Variants in ERCC8 observed in about 807,000 individuals in gnomAD.
ERCC8 encodes DNA excision repair protein ERCC-8.
ERCC8 carries 52 observed loss-of-function variants against 54.9 expected under a neutral mutation model. The ratio of observed to expected loss-of-function variants is 0.95; its 90% confidence interval spans 0.76 to 1.19. ERCC8 has a LOEUF of 1.19. ERCC8 is among the 50% of genes most tolerant of loss of function. The probability of loss-of-function intolerance (pLI) is 0.00; values close to 1 mark genes in which losing one functional copy is unlikely to be tolerated. For synonymous variants in ERCC8, 146 were observed against 157.2 expected, an observed-to-expected ratio of 0.93 and a Z score of 0.53; for missense variants, 514 against 466.1, an observed-to-expected ratio of 1.10 and a Z score of -0.95.
chr5:60,884,523 G>GTTTTTTT (rs71606648), intron 11 of ERCC8, among the ~76,000 whole-genome samples: 3 of 128,122 alleles, frequency 2.3e-5, no homozygotes, highest in Non-Finnish European at 4.8e-5. Flanking sequence ...GTGTGTATGT[G>GTTTTTTT]TTTTTTTTTT....
intron 9 of ERCC8, chr5:60,893,385 C>T: frequency 1.2e-6 from 1 of 857,706 alleles, no homozygotes; most frequent in South Asian, 1.3e-5. Context: ...TCCTGGGCAG[C>T]TTGCTGCTTC....
At chr5:60,905,177 T>C (rs920006003) in intron 4 of ERCC8, among the ~76,000 whole-genome samples, 1 of 152,178 alleles carries the variant, frequency 6.6e-6, no homozygotes, top group African/African-American at 2.4e-5. Context: ...GGGCTCAGCA[T>C]CTACATGGAT....
intron 3 of ERCC8, among the ~76,000 whole-genome samples, chr5:60,919,120 T>C (rs992165089): frequency 6.6e-6 from 1 of 152,038 alleles, no homozygotes; most frequent in African/African-American, 2.4e-5. Context: ...AGACTGGATA[T>C]TTAATATAGA....
chr5:60,934,599 C>T (rs1302156239), intron 1 of ERCC8, among the ~76,000 whole-genome samples: 4 of 151,986 alleles, frequency 2.6e-5, no homozygotes, highest in East Asian at 1.9e-4. Context: ...TTGTTTTTGT[C>T]GTGTTTGCTT....
chr5:60,945,064 C>T lies in ERCC8; in HGVS notation c.-56G>A. 6.6e-7 allele frequency: 1 copy of T among 1,519,318 alleles called. No individual in the cohort carries two copies. The highest frequency in any genetic ancestry group is 9.1e-7 in the Non-Finnish European group (1 of 1,093,704). 94.1% of individuals were successfully genotyped at this position (1,519,318 alleles called of 1,614,324 possible). A position where few individuals can be genotyped will look rare whatever the true frequency, so the allele number is the denominator to read the frequency against. On this transcript the variant is annotated 5_prime_UTR_variant, in exon 1 of 12. Transcript: ENST00000676185. ...ACGTCGCCATGACAGAGCTCAGGGGCGGGACTGGAACAGCAGAGTCTCCCA... is the reference window on the plus strand; with the variant it reads ...ACGTCGCCATGACAGAGCTCAGGGGTGGGACTGGAACAGCAGAGTCTCCCA...
At chr5:60,910,039 TTATG>T (rs1263199314) in intron 4 of ERCC8, 2 of 152,134 alleles carry the variant, frequency 1.3e-5, no homozygotes, top group African/African-American at 4.8e-5. Flanking sequence ...AATTGACTGT[TTATG>T]TAATCCAGAA....
chr5:60,931,367 C>CA (rs1353059644), intron 1 of ERCC8, among the ~76,000 whole-genome samples: 1 of 152,080 alleles, frequency 6.6e-6, no homozygotes, highest in African/African-American at 2.4e-5. Flanking sequence ...AGTGCAATGG[C>CA]AAAATCATAG....
chr5:60,894,898 C>T (rs777877353), intron 9 of ERCC8, among the ~76,000 whole-genome samples: 5 of 152,020 alleles, frequency 3.3e-5, no homozygotes, highest in East Asian at 1.9e-4. Context: ...GTCGGCTGGG[C>T]GTGGTCTCAC....
At chr5:60,878,230 C>A (rs574733425) in intron 11 of ERCC8, among the ~76,000 whole-genome samples, 172 of 152,288 alleles carry the variant, frequency 1.1e-3, no homozygotes, top group African/African-American at 3.9e-3. Context: ...CCCACTTGTT[C>A]ATGGTGGATA....
chr5:60,868,266 TG>T lies in ERCC8; in HGVS notation c.*6348del, dbSNP rs1226491067. ...AACTTAGTCTTAACATTGACTTAAT[TG>T]TGTTTTTAGAGACAGAATAACTAAC... On this transcript the variant is annotated 3_prime_UTR_variant, in exon 12 of 12. Transcript: ENST00000676185. 6.6e-6 allele frequency among the ~76,000 whole-genome samples: 1 copy of T among 152,220 alleles called. No individual in the cohort carries two copies. The highest frequency in any genetic ancestry group is 1.9e-4 in the East Asian group (1 of 5,198).
intron 3 of ERCC8, among the ~76,000 whole-genome samples, chr5:60,919,018 T>C (rs1365178781): frequency 6.6e-6 from 1 of 152,030 alleles, no homozygotes; most frequent in Non-Finnish European, 1.5e-5. Context: ...TCTGAACCAG[T>C]GACCAACATA....
chr5:60,925,007 C>T (rs951754346), intron 2 of ERCC8, among the ~76,000 whole-genome samples: 5 of 152,004 alleles, frequency 3.3e-5, no homozygotes, highest in Non-Finnish European at 5.9e-5. Context: ...TACTTCTTTC[C>T]GGTGTGACTT....
At chr5:60,879,332 G>T (rs529669852) in intron 11 of ERCC8, among the ~76,000 whole-genome samples, 5 of 152,276 alleles carry the variant, frequency 3.3e-5, no homozygotes, top group Non-Finnish European at 7.4e-5. Context: ...GTGCTGAAAA[G>T]AATGTATACT....
intron 2 of ERCC8, among the ~76,000 whole-genome samples, chr5:60,927,622 G>A (rs546352778): frequency 3.3e-5 from 5 of 152,206 alleles, no homozygotes; most frequent in South Asian, 2.1e-4. Flanking sequence ...CCACACAACT[G>A]ATTACTACAC....
At chr5:60,889,967 G>A (rs573702199) in intron 10 of ERCC8, among the ~76,000 whole-genome samples, 15 of 152,178 alleles carry the variant, frequency 9.9e-5, no homozygotes, top group Middle Eastern at 3.4e-3. Context: ...TTAAGGTGAC[G>A]TCTAAGAGGT....
intron 4 of ERCC8, among the ~76,000 whole-genome samples, chr5:60,913,571 G>A (rs1044806913): frequency 1.3e-5 from 2 of 151,988 alleles, no homozygotes; most frequent in South Asian, 4.1e-4. Context: ...TTTTTGAAGG[G>A]TTTTTGGTGA....
intron 11 of ERCC8, among the ~76,000 whole-genome samples, chr5:60,886,594 T>G (rs962265197): frequency 5.3e-5 from 8 of 151,574 alleles, no homozygotes; most frequent in African/African-American, 1.9e-4. Context: ...CCCAACTACT[T>G]GGGAGGCTGA....
intron 10 of ERCC8, among the ~76,000 whole-genome samples, chr5:60,889,857 A>G (rs1748498060): frequency 6.6e-6 from 1 of 152,168 alleles, no homozygotes; most frequent in Non-Finnish European, 1.5e-5. Context: ...AACACTAAAA[A>G]TGTTTAACAA....
At chr5:60,918,479 G>GA in intron 3 of ERCC8, 91 bp from the exon 4 acceptor site, 2 of 1,171,686 alleles carry the variant, frequency 1.7e-6, no homozygotes, top group Non-Finnish European at 2.5e-6. Flanking sequence ...TCTCAGGTAG[G>GA]ATGATATGAA....
Sources: gnomAD v4.1 joint callset for allele counts (sites outside exome capture counted in the v4.1 genomes callset) on GRCh38, gnomAD v4.1.1 for gene constraint, MANE v1.5 for transcripts, NCBI Gene and HGNC (gene_info 2026-07-23, HGNC 2026-07-21) for gene names.